AGBL4: variants seen among roughly 807,000 people sequenced by gnomAD.
The protein encoded by AGBL4 is AGBL carboxypeptidase 4, also known as cytosolic carboxypeptidase 6.
In AGBL4, 58 loss-of-function variants were observed where a neutral mutation model predicts 66.4. The ratio of observed to expected loss-of-function variants is 0.87; its 90% confidence interval spans 0.71 to 1.09. AGBL4 has a LOEUF of 1.09. Ranked by LOEUF, AGBL4 falls within the 50% of genes least tolerant of loss-of-function variation. The pLI, the probability that AGBL4 is intolerant of heterozygous loss-of-function variation, is 0.00. For missense variants in AGBL4, 579 were observed against 631.0 expected, an observed-to-expected ratio of 0.92 and a Z score of 0.88; for synonymous variants, 234 against 222.9, an observed-to-expected ratio of 1.05 and a Z score of -0.44.
chr1:49,779,900 GA>G (rs1189420172), intron 2 of AGBL4, among the ~76,000 whole-genome samples: 2 of 150,572 alleles, frequency 1.3e-5, no homozygotes, highest in Admixed American at 1.3e-4. Flanking sequence ...GCAAAACGTT[GA>G]AAGAAAAAGA....
chr1:48,946,673 T>C (rs1401318408), intron 5 of AGBL4, among the ~76,000 whole-genome samples: 2 of 152,182 alleles, frequency 1.3e-5, no homozygotes, highest in African/African-American at 4.8e-5. Context: ...TGCCAGACAC[T>C]GGGGACACAA....
intron 5 of AGBL4, among the ~76,000 whole-genome samples, chr1:48,959,650 A>T (rs1196452306): frequency 1.3e-5 from 2 of 152,210 alleles, no homozygotes; most frequent in Non-Finnish European, 2.9e-5. Flanking sequence ...ATAAAGGGAG[A>T]GAAGGAATCT....
chr1:49,270,350 T>C (rs1001748617), intron 3 of AGBL4, among the ~76,000 whole-genome samples: 2 of 152,190 alleles, frequency 1.3e-5, no homozygotes, highest in Non-Finnish European at 2.9e-5. Flanking sequence ...CGGGGGGACA[T>C]GATTTTCAGG....
rs535734618 is a variant in AGBL4 at position 48,534,108 on chromosome 1, A to G, written c.*65T>C. On this transcript the variant is annotated 3_prime_UTR_variant, in exon 14 of 14. Coordinates refer to ENST00000371839, the MANE Select transcript of AGBL4 (RefSeq NM_032785.4). ...CCTTGGAAGCTAGAGAAGAGTGATT[A>G]ATTTCATTCCCCAGCAGAAAATGCA... 218 of 1,549,212 alleles carry G rather than the reference A, an allele frequency of 1.4e-4. No homozygotes were observed. Among genetic ancestry groups the G allele is most frequent in the Non-Finnish European group, 1.9e-4 (216 of 1,144,916 alleles).
intron 1 of AGBL4, among the ~76,000 whole-genome samples, chr1:49,856,343 A>G (rs1646432840): frequency 6.6e-6 from 1 of 152,120 alleles, no homozygotes; most frequent in Non-Finnish European, 1.5e-5. Flanking sequence ...TTCTCAAACT[A>G]TTCCAAAAAG....
chr1:48,765,442 T>C (rs1570584550), intron 6 of AGBL4, among the ~76,000 whole-genome samples: 2 of 152,182 alleles, frequency 1.3e-5, no homozygotes, highest in Admixed American at 6.5e-5. Context: ...TGTAAAGATA[T>C]TGGAACTCTC....
At chr1:49,716,076 T>A (rs931352855) in intron 2 of AGBL4, among the ~76,000 whole-genome samples, 6 of 152,178 alleles carry the variant, frequency 3.9e-5, no homozygotes, top group African/African-American at 1.2e-4. Context: ...AGGGTTTTTA[T>A]GGTTTTAGGT....
At chr1:50,018,759 C>A (rs889751517) in intron 1 of AGBL4, among the ~76,000 whole-genome samples, 14 of 152,034 alleles carry the variant, frequency 9.2e-5, no homozygotes, top group African/African-American at 3.1e-4. Flanking sequence ...TTAGAAGAAA[C>A]AAGCACATAA....
At chr1:49,163,152 T>A (rs1646570012) in intron 4 of AGBL4, among the ~76,000 whole-genome samples, 1 of 152,222 alleles carries the variant, frequency 6.6e-6, no homozygotes. Context: ...GTTTGCCTCA[T>A]CATCAAGCTA....
intron 2 of AGBL4, chr1:49,846,089 T>C (rs576945577): frequency 1.3e-6 from 2 of 1,547,450 alleles, no homozygotes; most frequent in Admixed American, 1.7e-5. Flanking sequence ...ACCCTATGAA[T>C]GTAACCAGTG....
At chr1:49,584,237 C>A (rs1644604227) in intron 3 of AGBL4, among the ~76,000 whole-genome samples, 1 of 152,140 alleles carries the variant, frequency 6.6e-6, no homozygotes, top group Non-Finnish European at 1.5e-5. Context: ...TAAATAAGAA[C>A]AATGTGTCTA....
chr1:49,528,590 A>G (rs1233059182), intron 3 of AGBL4, among the ~76,000 whole-genome samples: 1 of 152,128 alleles, frequency 6.6e-6, no homozygotes, highest in African/African-American at 2.4e-5. Context: ...GTAAGCAATT[A>G]TAATATAGAA....
At chr1:49,470,873 TG>T (rs1266901864) in intron 3 of AGBL4, among the ~76,000 whole-genome samples, 3 of 152,060 alleles carry the variant, frequency 2.0e-5, no homozygotes, top group Non-Finnish European at 4.4e-5. Flanking sequence ...CTGCTGCTGC[TG>T]TACCTGCGGC....
chr1:48,530,464 G>C (rs1244627618), downstream of AGBL4, among the ~76,000 whole-genome samples: 1 of 152,174 alleles, frequency 6.6e-6, no homozygotes, highest in Non-Finnish European at 1.5e-5. Context: ...CAGGTCTCAG[G>C]TGTGTCAGTT....
At chr1:49,339,217 C>T (rs1198888744) in intron 3 of AGBL4, among the ~76,000 whole-genome samples, 1 of 152,088 alleles carries the variant, frequency 6.6e-6, no homozygotes, top group Non-Finnish European at 1.5e-5. Flanking sequence ...CAGGCTAACT[C>T]TAAAATACTT....
the AGBL4 span, among the ~76,000 whole-genome samples, chr1:48,524,265 A>G: frequency 6.6e-6 from 1 of 152,238 alleles, no homozygotes; most frequent in African/African-American, 2.4e-5. Context: ...ACTTCTTCAT[A>G]ACACCACACA....
chr1:50,011,575 T>C (rs1344409196), intron 1 of AGBL4, among the ~76,000 whole-genome samples: 1 of 152,194 alleles, frequency 6.6e-6, no homozygotes, highest in Admixed American at 6.5e-5. Flanking sequence ...AGGAAATATC[T>C]GCACTCCAAT....
intron 1 of AGBL4, among the ~76,000 whole-genome samples, chr1:50,014,955 A>G (rs1182803252): frequency 6.6e-6 from 1 of 152,208 alleles, no homozygotes; most frequent in Non-Finnish European, 1.5e-5. Flanking sequence ...AAGGGAATCT[A>G]TGACTCCAGA....
chr1:48,552,597 G>A (rs566471464), intron 11 of AGBL4, among the ~76,000 whole-genome samples: 8 of 152,182 alleles, frequency 5.3e-5, no homozygotes, highest in Non-Finnish European at 8.8e-5. Context: ...AGCAGCATCC[G>A]TGGTTTCTCC....
Sources: gnomAD v4.1 joint callset for allele counts (sites outside exome capture counted in the v4.1 genomes callset) on GRCh38, gnomAD v4.1.1 for gene constraint, MANE v1.5 for transcripts, NCBI Gene and HGNC (gene_info 2026-07-23, HGNC 2026-07-21) for gene names.